The following MYRIP variants were observed in gnomAD, a reference collection of about 807,000 sequenced individuals.
The protein encoded by MYRIP is rab effector MyRIP.
Under a neutral mutation model 98.0 loss-of-function variants are expected in MYRIP, and 49 were observed. The ratio of observed to expected loss-of-function variants is 0.50; its 90% CI spans 0.40 to 0.63. The LOEUF is 0.63. Among genes scored for constraint, MYRIP ranks in the 30% least tolerant of loss-of-function variants. The pLI is 0.00. For synonymous variants in MYRIP, 404 were observed against 409.5 expected (o/e 0.99, Z 0.16); for missense variants, 1,004 against 1,058.2 (o/e 0.95, Z 0.71).
intron 2 of MYRIP, among the ~76,000 whole-genome samples, chr3:39,950,883 G>C (rs544203094): frequency 1.3e-5 from 2 of 152,244 alleles, no homozygotes; most frequent in Admixed American, 6.5e-5. Flanking sequence ...TGAGAGCAGT[G>C]GAATCATCAA....
chr3:39,848,035 G>A (rs1199992566), intron 1 of MYRIP, among the ~76,000 whole-genome samples: 3 of 152,208 alleles, frequency 2.0e-5, no homozygotes, highest in Non-Finnish European at 4.4e-5. Flanking sequence ...AGAGGGTACT[G>A]CAAAAGCTTC....
chr3:40,057,503 TG>T (rs1947908361), intron 3 of MYRIP, among the ~76,000 whole-genome samples: 1 of 152,200 alleles, frequency 6.6e-6, no homozygotes, highest in African/African-American at 2.4e-5. Context: ...AATAGGAGAA[TG>T]ATGCTGACCT....
intron 2 of MYRIP, among the ~76,000 whole-genome samples, chr3:39,917,384 C>A: frequency 6.9e-6 from 1 of 145,356 alleles, no homozygotes; most frequent in Non-Finnish European, 1.5e-5. Context: ...TGAAACTAAA[C>A]ACAAACATAA....
At chr3:39,998,120 G>A (rs1946416453) in intron 2 of MYRIP, among the ~76,000 whole-genome samples, 3 of 152,126 alleles carry the variant, frequency 2.0e-5, no homozygotes, top group Non-Finnish European at 2.9e-5. Flanking sequence ...TTGAAAACTG[G>A]CACAAGACAG....
At chr3:40,085,022 A>G (rs9799206) in intron 3 of MYRIP, among the ~76,000 whole-genome samples, 35,685 of 150,686 alleles carry the variant, frequency 0.24, 4,570 homozygotes, top group East Asian at 0.36. Flanking sequence ...TAGATAATAT[A>G]TATCTATGTG....
At chr3:40,137,582 A>T (rs1432668421) in intron 3 of MYRIP, among the ~76,000 whole-genome samples, 1 of 152,224 alleles carries the variant, frequency 6.6e-6, no homozygotes, top group African/African-American at 2.4e-5. Flanking sequence ...ACACAAGCAA[A>T]AAACAGAATT....
At chr3:40,170,792 C>T (rs913459703) in intron 8 of MYRIP, among the ~76,000 whole-genome samples, 3 of 152,206 alleles carry the variant, frequency 2.0e-5, no homozygotes, top group Admixed American at 6.5e-5. Flanking sequence ...TGCTCACAGT[C>T]TGGGACAGGG....
chr3:40,170,432 T>A (rs1206145224), intron 8 of MYRIP, among the ~76,000 whole-genome samples: 1 of 152,180 alleles, frequency 6.6e-6, no homozygotes, highest in Non-Finnish European at 1.5e-5. Flanking sequence ...CCATGTGTAC[T>A]CTTATAACCT....
Position 40,119,923 on chromosome 3 carries a change from A to AAAAT in MYRIP, c.333-31101_333-31098dup, listed in dbSNP as rs541090121. 8.5e-3 allele frequency among the ~76,000 whole-genome samples: 1,288 copies of AAAAT among 151,802 alleles called. 6 individuals carry two copies. Among genetic ancestry groups the AAAAT allele is most frequent in the Non-Finnish European group, 0.012 (845 of 67,924 alleles). On this transcript the variant is annotated intron_variant, in intron 3 of 16. Coordinates refer to ENST00000302541, the MANE Select transcript of MYRIP (RefSeq NM_015460.4). Reference sequence around the variant, plus strand: ...CTAAAACTTAAAGTATAATAATAATAAAATAAATAAATAAATAAATAAATA... The same window carrying AAAAT: ...CTAAAACTTAAAGTATAATAATAATAAAATAAATAAATAAATAAATAAATAAATA...
intron 16 of MYRIP, among the ~76,000 whole-genome samples, chr3:40,255,068 T>TATTGGTCA (rs1409190408): frequency 6.6e-6 from 1 of 152,190 alleles, no homozygotes; most frequent in Admixed American, 6.5e-5. Context: ...CTCTACTCAC[T>TATTGGTCA]GCCTTCTCTT....
chr3:39,930,723 A>G (rs1484293316), intron 2 of MYRIP, among the ~76,000 whole-genome samples: 1 of 152,052 alleles, frequency 6.6e-6, no homozygotes, highest in African/African-American at 2.4e-5. Context: ...ATAGGATTCC[A>G]ACTTCATTCT....
At chr3:40,193,782 C>G (rs2679815) in intron 10 of MYRIP, among the ~76,000 whole-genome samples, 1 of 152,076 alleles carries the variant, frequency 6.6e-6, no homozygotes, top group Non-Finnish European at 1.5e-5. Context: ...TTGGCTAACA[C>G]TTTCATAATT....
chr3:40,200,064 C>T (rs938821598), intron 10 of MYRIP, among the ~76,000 whole-genome samples: 2 of 150,840 alleles, frequency 1.3e-5, no homozygotes, highest in African/African-American at 2.4e-5. Flanking sequence ...AAGATAAACT[C>T]GTTGCAGAGA....
intron 4 of MYRIP, among the ~76,000 whole-genome samples, chr3:40,155,314 C>T (rs1455315624): frequency 6.6e-6 from 1 of 151,646 alleles, no homozygotes; most frequent in Non-Finnish European, 1.5e-5. Context: ...CTACAAAGGA[C>T]ATGAACTCAT....
At chr3:39,984,555 C>T (rs1043641662) in intron 2 of MYRIP, among the ~76,000 whole-genome samples, 63 of 152,166 alleles carry the variant, frequency 4.1e-4, no homozygotes, top group African/African-American at 1.4e-3. Flanking sequence ...AGGACATAAA[C>T]GCATCATTTT....
intron 2 of MYRIP, among the ~76,000 whole-genome samples, chr3:40,033,609 T>C (rs1174909379): frequency 2.6e-5 from 4 of 152,188 alleles, no homozygotes; most frequent in African/African-American, 9.7e-5. Flanking sequence ...TGCTCATGGG[T>C]AGGAAGAATC....
intron 2 of MYRIP, among the ~76,000 whole-genome samples, chr3:39,958,935 A>G (rs1945247139): frequency 6.6e-6 from 1 of 152,228 alleles, no homozygotes; most frequent in East Asian, 1.9e-4. Flanking sequence ...AATGCTCATC[A>G]TCACTGGCCA....
In MYRIP at chr3:40,134,996, G is replaced by A. The variant is rs956523441; in HGVS notation, c.333-16052G>A. 5.9e-5 allele frequency among the ~76,000 whole-genome samples: 9 copies of A among 152,294 alleles called. No individual in the cohort carries two copies. In the South Asian group the frequency reaches 1.0e-3, roughly 18 times the overall value. The stretch of plus-strand genomic sequence containing the variant: ...AGCACCTCTCCTCCTCCAAAGGAAC[G>A]CAGCTCCTCACCAGCAACGGAACAA... On this transcript the variant is annotated intron_variant, in intron 3 of 16. Transcript: ENST00000302541.
rs572079830 is a variant in MYRIP at position 39,980,555 on chromosome 3, G to A, written c.111-63495G>A. ...CCAGTGGTCTCCTGTATCACTCAGAGTCAGACCCAAATGCCTGAAAATGTC... is the reference window on the plus strand; with the variant it reads ...CCAGTGGTCTCCTGTATCACTCAGAATCAGACCCAAATGCCTGAAAATGTC... On this transcript the variant is annotated intron_variant, in intron 2 of 16. Transcript: ENST00000302541. 3.3e-4 allele frequency among the ~76,000 whole-genome samples: 51 copies of A among 152,312 alleles called. 1 individual carries two copies. Among genetic ancestry groups the A allele is most frequent in the African/African-American group, 1.2e-3 (50 of 41,570 alleles).
Sources: allele counts gnomAD v4.1 joint callset (sites outside exome capture counted in the v4.1 genomes callset), GRCh38; gene constraint gnomAD v4.1.1; transcripts MANE v1.5; gene names NCBI Gene and HGNC (gene_info 2026-07-23, HGNC 2026-07-21).